The following MFN1 variants were observed in gnomAD, a reference collection of about 807,000 sequenced individuals.
MFN1 encodes mitofusin 1.
MFN1 carries 65 observed loss-of-function variants against 92.4 expected under a neutral mutation model. The observed-to-expected ratio is 0.70, with a 90% confidence interval of 0.58 to 0.86. The LOEUF (loss-of-function observed/expected upper bound fraction) is 0.86, where lower values mean the gene tolerates loss of function less well. Ranked by LOEUF, MFN1 falls within the 40% of genes least tolerant of loss-of-function variation. The pLI is 0.00. For synonymous variants in MFN1, 297 were observed against 300.9 expected (o/e 0.99, Z 0.13); for missense variants, 781 against 868.0 (o/e 0.90, Z 1.26).
At chr3:179,387,618 G>T in intron 16 of MFN1, among the ~76,000 whole-genome samples, 1 of 109,040 alleles carries the variant, frequency 9.2e-6, no homozygotes, top group African/African-American at 3.4e-5. Context: ...TTTTTTCTGA[G>T]ATGGAGTCTC....
chr3:179,390,695 GAACTT>G (rs1430193669), intron 17 of MFN1, among the ~76,000 whole-genome samples: 1 of 152,166 alleles, frequency 6.6e-6, no homozygotes, highest in Admixed American at 6.5e-5. Flanking sequence ...CAGTGCTTAA[GAACTT>G]AACTTTCAGC....
Position 179,367,571 on chromosome 3 carries a change from G to C in MFN1, c.886G>C (p.Ala296Pro). 1 of 1,611,242 alleles carries C rather than the reference G, an allele frequency of 6.2e-7. No individual in the cohort carries two copies. The highest frequency in any genetic ancestry group is 8.5e-7 in the Non-Finnish European group (1 of 1,179,094). ...AGTTCTTAGTGCTAGAAAGCAAAAA[G>C]CACAGGGGATGCCAGAAAGTGGTAT... ...KEVLSARKQK[A>P]QGMPESGVAL... The change falls in exon 8 of 18, where the codon GCA becomes CCA. Residue 296 changes from alanine (A) to proline (P), a missense_variant. Ala to Pro is a conservative substitution (Grantham distance 27, BLOSUM62 -1). Coordinates refer to ENST00000471841, the MANE Select transcript of MFN1 (RefSeq NM_033540.3).
Position 179,392,377 on chromosome 3 carries a change from C to T in MFN1, c.*318C>T, listed in dbSNP as rs560382945. The T allele has an allele frequency of 1.8e-4, 34 of 192,106 alleles. 2 individuals are homozygous for T. The South Asian group carries it at 5.9e-3, about 33-fold the overall frequency. The allele number at this position is 192,106 out of a possible 1,614,324, so 11.9% of individuals were successfully genotyped here. A position where few individuals can be genotyped will look rare whatever the true frequency, so the allele number is the denominator to read the frequency against. ...TTTTTGATTCTGAAAAACTCTGCTTCCTGGCATCCAGGAGTTAGAGATTGA... is the reference window on the plus strand; with the variant it reads ...TTTTTGATTCTGAAAAACTCTGCTTTCTGGCATCCAGGAGTTAGAGATTGA... On this transcript the variant is annotated 3_prime_UTR_variant, in exon 18 of 18. Coordinates refer to ENST00000471841, the MANE Select transcript of MFN1 (RefSeq NM_033540.3).
In MFN1 at chr3:179,366,241, T is replaced by G. The variant is rs980294147; in HGVS notation, c.753+1016T>G. Reference sequence around the variant, plus strand: ...CAGACGTCAGTAAACCATGGGTATATGTACTTAGAGGTAAAACTGCTAGAT... The same window carrying G: ...CAGACGTCAGTAAACCATGGGTATAGGTACTTAGAGGTAAAACTGCTAGAT... On this transcript the variant is annotated intron_variant, in intron 7 of 17. Coordinates refer to ENST00000471841, the MANE Select transcript of MFN1 (RefSeq NM_033540.3). Among the ~76,000 whole-genome samples the G allele has an allele frequency of 3.3e-5, 5 of 152,308 alleles. No homozygotes were observed. In the East Asian group the frequency reaches 9.6e-4, roughly 29 times the overall value.
chr3:179,368,469 T>C (rs1303304040), intron 9 of MFN1, among the ~76,000 whole-genome samples: 2 of 152,224 alleles, frequency 1.3e-5, no homozygotes, highest in Non-Finnish European at 2.9e-5. Context: ...AAAGTAAGCA[T>C]TATCCTTTTT....
rs1714023825 is a variant in MFN1 at position 179,394,456 on chromosome 3, C to T, written c.*2397C>T. ...TTTGAGACGGAGTCTCGCTCTGTCG[C>T]CCAGGCTGGAGTGCAGTGGCGCGAT... On this transcript the variant is annotated 3_prime_UTR_variant, in exon 18 of 18. Transcript: ENST00000471841. 1.4e-5 allele frequency: 2 copies of T among 138,330 alleles called. No individual in the cohort carries two copies. The highest frequency in any genetic ancestry group is 1.5e-4 in the Admixed American group (2 of 13,094). The allele number at this position is 138,330 out of a possible 1,614,324, so 8.6% of individuals were successfully genotyped here.
chr3:179,391,674 G>A (rs1278792811), intron 17 of MFN1, among the ~76,000 whole-genome samples: 1 of 152,128 alleles, frequency 6.6e-6, no homozygotes, highest in Admixed American at 6.5e-5. Flanking sequence ...TGGGCATTTG[G>A]CTGCATCAAG....
At chr3:179,352,774 G>A (rs1252986700) in intron 3 of MFN1, among the ~76,000 whole-genome samples, 1 of 151,746 alleles carries the variant, frequency 6.6e-6, no homozygotes, top group Non-Finnish European at 1.5e-5. Context: ...CCCCCTGAGA[G>A]GGAGTCTCAC....
At chr3:179,353,199 G>A (rs1007408969) in intron 3 of MFN1, among the ~76,000 whole-genome samples, 37 of 151,014 alleles carry the variant, frequency 2.5e-4, no homozygotes, top group African/African-American at 6.1e-4. Flanking sequence ...GACTACAGGC[G>A]TGTGCTGCCA....
rs142787699 is a variant in MFN1, at chr3:179,351,929, A to C, written c.142A>C (p.Ile48Leu). The C allele has an allele frequency of 4.5e-4, 728 of 1,608,052 alleles. 4 individuals are homozygous for C. In the African/African-American group the frequency reaches 8.5e-3, roughly 19 times the overall value. The change falls in exon 3 of 18, where the codon ATA becomes CTA. Residue 48 changes from isoleucine to leucine, a missense_variant. Physicochemically the swap from Ile to Leu is conservative, Grantham distance 5. Transcript: ENST00000471841. ...ATYKNPELDR[I>L]ATEDDLVEMQ... is the part of the protein sequence containing the mutation. Reference sequence around the variant, plus strand: ...ATATAAGAATCCGGAACTTGATCGAATAGCCACTGAAGATGATCTGGTAGA... The same window carrying C: ...ATATAAGAATCCGGAACTTGATCGACTAGCCACTGAAGATGATCTGGTAGA...
intron 14 of MFN1, among the ~76,000 whole-genome samples, chr3:179,379,608 C>T (rs897752537): frequency 6.6e-6 from 1 of 152,184 alleles, no homozygotes; most frequent in South Asian, 2.1e-4. Flanking sequence ...CCTGCCTCAG[C>T]CTCCCAAAGT....
intron 9 of MFN1, 131 bp downstream of exon 9, chr3:179,368,234 C>A: frequency 2.0e-6 from 1 of 496,614 alleles, no homozygotes; most frequent in Non-Finnish European, 3.1e-6. Context: ...CTGACACAGC[C>A]AGTAAAATGT....
Position 179,392,658 on chromosome 3 carries a change from C to G in MFN1, c.*599C>G, listed in dbSNP as rs1419263818. On this transcript the variant is annotated 3_prime_UTR_variant, in exon 18 of 18. Transcript: ENST00000471841. ...GCTTGTTATAGTCACTTATAAGTAT[C>G]TGGGTCTAAGTAATTTCCTTAGATG... is the stretch of plus-strand genomic sequence containing the variant. 6.6e-6 allele frequency: 1 copy of G among 152,154 alleles called. No homozygotes were observed. Among genetic ancestry groups the G allele is most frequent in the East Asian group, 1.9e-4 (1 of 5,196 alleles). The allele number at this position is 152,154 out of a possible 1,614,324, so 9.4% of individuals were successfully genotyped here. A position where few individuals can be genotyped will look rare whatever the true frequency, so the allele number is the denominator to read the frequency against.
intron 16 of MFN1, among the ~76,000 whole-genome samples, chr3:179,389,225 CATCT>C (rs1713808133): frequency 6.6e-6 from 1 of 152,074 alleles, no homozygotes; most frequent in Non-Finnish European, 1.5e-5. Context: ...GATGAGTTTT[CATCT>C]AGTTAAGATA....
chr3:179,353,253 A>G (rs1302132756), intron 3 of MFN1, among the ~76,000 whole-genome samples: 14 of 137,126 alleles, frequency 1.0e-4, no homozygotes, highest in African/African-American at 3.8e-4. Flanking sequence ...TTTAGTAGAG[A>G]TGGGGTTTCA....
At chr3:179,352,329 T>G (rs1260730272) in intron 3 of MFN1, among the ~76,000 whole-genome samples, 1 of 152,270 alleles carries the variant, frequency 6.6e-6, no homozygotes, top group Non-Finnish European at 1.5e-5. Context: ...CTTTGTGTTT[T>G]ACTCTTTTAA....
chr3:179,361,099 C>G (rs780601549), intron 4 of MFN1, among the ~76,000 whole-genome samples: 3 of 152,088 alleles, frequency 2.0e-5, no homozygotes, highest in Non-Finnish European at 4.4e-5. Context: ...GGAAATGGAG[C>G]AAGACACTGT....
chr3:179,374,257 C>G (rs1394286692), intron 9 of MFN1, among the ~76,000 whole-genome samples: 1 of 149,434 alleles, frequency 6.7e-6, no homozygotes, highest in Admixed American at 6.7e-5. Context: ...GAGTCGAGAT[C>G]ATGCCATTGC....
At chr3:179,362,332 A>T (rs757360904) in intron 4 of MFN1, 26 bp from the exon 5 acceptor site, 22 of 1,552,288 alleles carry the variant, frequency 1.4e-5, no homozygotes, top group Non-Finnish European at 1.9e-5. Flanking sequence ...AGTGGAGTTT[A>T]TTTTTTTCTT....
Sources: allele counts gnomAD v4.1 joint callset (sites outside exome capture counted in the v4.1 genomes callset), GRCh38; gene constraint gnomAD v4.1.1; transcripts MANE v1.5; gene names NCBI Gene and HGNC (gene_info 2026-07-23, HGNC 2026-07-21).